STAM2: variants seen among roughly 807,000 people sequenced by gnomAD.
STAM2 encodes the protein signal transducing adaptor molecule 2.
A neutral mutation model predicts 65.6 loss-of-function variants in STAM2; 51 were observed. That is an observed-to-expected ratio of 0.78 (90% CI 0.62 to 0.98). The LOEUF (loss-of-function observed/expected upper bound fraction) is 0.98. Ranked by LOEUF, STAM2 falls within the 50% of genes least tolerant of loss-of-function variation. STAM2 has a pLI of 0.00. For synonymous variants in STAM2, 198 were observed against 208.4 expected (o/e 0.95, Z 0.43); for missense variants, 584 against 617.8 (o/e 0.95, Z 0.58).
intron 1 of STAM2, among the ~76,000 whole-genome samples, chr2:152,159,873 C>G (rs1007293769): frequency 2.0e-5 from 3 of 152,242 alleles, no homozygotes; most frequent in Admixed American, 6.5e-5. Flanking sequence ...CGATTGCAGG[C>G]GCGCGCCGCC....
rs1189528519 is a variant in STAM2, at chr2:152,119,568, A to G, written c.*1006T>C. ...TTGGTATATCTCACAACAAATTATTAGGAATGTCTCATGGTTCAAATTCAC... is the reference window on the plus strand; with the variant it reads ...TTGGTATATCTCACAACAAATTATTGGGAATGTCTCATGGTTCAAATTCAC... On this transcript the variant is annotated 3_prime_UTR_variant, in exon 14 of 14. Transcript: ENST00000263904. 1 of 152,218 alleles carries G rather than the reference A, an allele frequency of 6.6e-6. No homozygotes were observed. Among genetic ancestry groups the G allele is most frequent in the African/African-American group, 2.4e-5 (1 of 41,466 alleles). The allele number at this position is 152,218 out of a possible 1,614,324, so 9.4% of individuals were successfully genotyped here. A position where few individuals can be genotyped will look rare whatever the true frequency, so the allele number is the denominator to read the frequency against.
At chr2:152,152,709 AT>A (rs1401035073) in intron 1 of STAM2, among the ~76,000 whole-genome samples, 1 of 152,126 alleles carries the variant, frequency 6.6e-6, no homozygotes, top group Non-Finnish European at 1.5e-5. Flanking sequence ...TCTAAGTTTA[AT>A]TTTTTTAGGA....
intron 11 of STAM2, among the ~76,000 whole-genome samples, chr2:152,127,529 A>C (rs1044528954): frequency 7.2e-5 from 11 of 152,120 alleles, no homozygotes; most frequent in African/African-American, 2.4e-4. Flanking sequence ...ATGGAAATTT[A>C]AAAACACTTG....
chr2:152,169,426 G>A lies in STAM2; in HGVS notation c.40+6177C>T, dbSNP rs193020965. Among the ~76,000 whole-genome samples, 51 of 151,994 alleles carry A rather than the reference G, an allele frequency of 3.4e-4. 1 individual carries two copies. The highest frequency in any genetic ancestry group is 1.3e-4 in the Admixed American group (2 of 15,272). ...CGAGTAGCTCGGACTACAGGTGCGCGCCACCATGCTCAGCTAATTTTTGTA... is the reference window on the plus strand; with the variant it reads ...CGAGTAGCTCGGACTACAGGTGCGCACCACCATGCTCAGCTAATTTTTGTA... On this transcript the variant is annotated intron_variant, in intron 1 of 13. Coordinates refer to ENST00000263904, the MANE Select transcript of STAM2 (RefSeq NM_005843.6).
At position 152,154,252 on chromosome 2, in the gene STAM2, G is replaced by T. The variant is rs1689500568; in HGVS notation, c.41-4023C>A. On this transcript the variant is annotated intron_variant, in intron 1 of 13. Transcript: ENST00000263904. ...AAAGACTAGCTAGTCCTACACAGAA[G>T]GGCATATGTAAGACCAGTTACTCTC... Among the ~76,000 whole-genome samples, 4 of 152,226 alleles carry T rather than the reference G, an allele frequency of 2.6e-5. No homozygotes were observed. In the South Asian group the frequency reaches 8.3e-4, roughly 32 times the overall value.
chr2:152,131,326 G>A (rs1040553392), intron 11 of STAM2, among the ~76,000 whole-genome samples: 3 of 151,948 alleles, frequency 2.0e-5, no homozygotes, highest in African/African-American at 2.4e-5. Flanking sequence ...GGTGGTGCAC[G>A]CCTGTAATCC....
chr2:152,155,960 A>G (rs1689535439), intron 1 of STAM2, among the ~76,000 whole-genome samples: 2 of 152,186 alleles, frequency 1.3e-5, no homozygotes, highest in Admixed American at 6.5e-5. Context: ...AGTATCATCA[A>G]TTATCAAATT....
At chr2:152,137,843 C>A (rs555010573) in intron 7 of STAM2, among the ~76,000 whole-genome samples, 2 of 152,074 alleles carry the variant, frequency 1.3e-5, no homozygotes, top group African/African-American at 4.8e-5. Context: ...AAGAGCCATT[C>A]ATCACAGCAA....
In STAM2 at chr2:152,122,733, T is replaced by G. The variant is rs577478218; in HGVS notation, c.1349+1033A>C. On this transcript the variant is annotated intron_variant, in intron 13 of 13. Coordinates refer to ENST00000263904, the MANE Select transcript of STAM2 (RefSeq NM_005843.6). Reference sequence around the variant, plus strand: ...AGCAAAATGAATAGAAAGAAAGATTTAAATACAACTCTTAGAGTAAAAGTG... The same window carrying G: ...AGCAAAATGAATAGAAAGAAAGATTGAAATACAACTCTTAGAGTAAAAGTG... Among the ~76,000 whole-genome samples the G allele has an allele frequency of 3.9e-5, 6 of 152,234 alleles. 1 individual carries two copies. The South Asian group carries it at 1.2e-3, about 32-fold the overall frequency.
chr2:152,155,425 G>T (rs1303942237), intron 1 of STAM2, among the ~76,000 whole-genome samples: 1 of 152,184 alleles, frequency 6.6e-6, no homozygotes, highest in African/African-American at 2.4e-5. Context: ...GGCTACATAG[G>T]ATCAAACTTC....
chr2:152,172,712 A>G (rs918449519), intron 1 of STAM2, among the ~76,000 whole-genome samples: 1 of 151,980 alleles, frequency 6.6e-6, no homozygotes, highest in Non-Finnish European at 1.5e-5. Flanking sequence ...TCTATTAAAA[A>G]TACAAAAAAT....
rs138202003 is a variant in STAM2 at position 152,137,738 on chromosome 2, T to A, written c.705-2135A>T. Among the ~76,000 whole-genome samples the A allele has an allele frequency of 2.1e-3, 313 of 152,240 alleles. 1 individual carries two copies. Among genetic ancestry groups the A allele is most frequent in the Non-Finnish European group, 3.3e-3 (223 of 68,012 alleles). ...ACTGTAGTTTTAGTTTTTTTATTTT[T>A]TTTTTCCCTCTCCCATGTTTAGGTC... On this transcript the variant is annotated intron_variant, in intron 7 of 13. Transcript: ENST00000263904.
intron 7 of STAM2, among the ~76,000 whole-genome samples, chr2:152,143,096 C>T (rs979006905): frequency 1.3e-5 from 2 of 152,046 alleles, no homozygotes; most frequent in Non-Finnish European, 2.9e-5. Flanking sequence ...GAACTGTGTC[C>T]TCATTTGTTA....
chr2:152,137,429 T>A (rs1315729527), intron 7 of STAM2, among the ~76,000 whole-genome samples: 2 of 152,222 alleles, frequency 1.3e-5, no homozygotes, highest in African/African-American at 2.4e-5. Context: ...AAACTGCCTT[T>A]TTTTTCGTAT....
In STAM2 at chr2:152,175,714, G is replaced by C; in HGVS notation, c.-72C>G. 1 of 1,528,278 alleles carries C rather than the reference G, an allele frequency of 6.5e-7. No homozygotes were observed. The highest frequency in any genetic ancestry group is 2.4e-5 in the East Asian group (1 of 41,274). 94.7% of individuals were successfully genotyped at this position (1,528,278 alleles called of 1,614,324 possible). The stretch of plus-strand genomic sequence containing the variant: ...GCAACTGCTACCCGCCGGGTGACCC[G>C]CGGCCGCGGCTCCCTAGACCGCTCC... On this transcript the variant is annotated 5_prime_UTR_variant, in exon 1 of 14. Transcript: ENST00000263904.
In STAM2 at chr2:152,120,570, GT is replaced by G. The variant is rs1202702205; in HGVS notation, c.*3del. 1 of 1,613,068 alleles carries G rather than the reference GT, an allele frequency of 6.2e-7. No homozygotes were observed. The highest frequency in any genetic ancestry group is 1.1e-5 in the South Asian group (1 of 91,026). ...AGGCTTTCAAGAAAATGCTTGATTT[GT>G]TTCTAAAGGAGAGGCTGCTGATGGT... On this transcript the variant is annotated 3_prime_UTR_variant, in exon 14 of 14. Coordinates refer to ENST00000263904, the MANE Select transcript of STAM2 (RefSeq NM_005843.6).
chr2:152,174,679 T>C (rs903433879), intron 1 of STAM2, among the ~76,000 whole-genome samples: 7 of 152,148 alleles, frequency 4.6e-5, no homozygotes, highest in African/African-American at 1.7e-4. Context: ...CCTAGGGTTC[T>C]GTTAACTACT....
chr2:152,126,413 T>C, intron 11 of STAM2, 34 bp from the exon 12 acceptor site: 1 of 1,322,194 alleles, frequency 7.6e-7, no homozygotes, highest in Non-Finnish European at 9.9e-7. Context: ...AATACTCTTC[T>C]AGTTTTTAGC....
chr2:152,173,134 T>C (rs545727623), intron 1 of STAM2, among the ~76,000 whole-genome samples: 26 of 150,774 alleles, frequency 1.7e-4, no homozygotes, highest in African/African-American at 4.9e-4. Context: ...TTTGTGTCCA[T>C]AGATTAACAC....
Sources: gnomAD v4.1 joint callset for allele counts (sites outside exome capture counted in the v4.1 genomes callset) on GRCh38, gnomAD v4.1.1 for gene constraint, MANE v1.5 for transcripts, NCBI Gene and HGNC (gene_info 2026-07-23, HGNC 2026-07-21) for gene names.